The following ANKHD1 variants were observed in gnomAD, a reference collection of about 807,000 sequenced individuals.
The protein encoded by ANKHD1 is ankyrin repeat and KH domain-containing protein 1.
ANKHD1 carries 31 observed loss-of-function variants against 230.5 expected under a neutral mutation model. The ratio of observed to expected loss-of-function variants is 0.13; its 90% CI spans 0.10 to 0.18. ANKHD1 has a LOEUF of 0.18. Among genes scored for constraint, ANKHD1 ranks in the 10% least tolerant of loss-of-function variants. The probability of loss-of-function intolerance (pLI) is 1.00; values close to 1 mark genes in which losing one functional copy is unlikely to be tolerated. For synonymous variants in ANKHD1, 1,074 were observed against 1,117.6 expected (o/e 0.96, Z 0.78); for missense variants, 2,256 against 3,071.3 (o/e 0.73, Z 6.27).
chr5:140,513,013 C>T (rs938020475), intron 23 of ANKHD1, 90 bp downstream of exon 23: 1 of 1,300,226 alleles, frequency 7.7e-7, no homozygotes, highest in Non-Finnish European at 1.1e-6. Context: ...TTTTTATATT[C>T]TGAAAGGTTG....
At chr5:140,533,423 C>T (rs1753925275) in intron 29 of ANKHD1, among the ~76,000 whole-genome samples, 1 of 151,990 alleles carries the variant, frequency 6.6e-6, no homozygotes. Context: ...ACGGTGAAAC[C>T]CCATCTCTAC....
intron 32 of ANKHD1, 25 bp from the exon 33 acceptor site, chr5:140,538,894 T>G (rs1754191464): frequency 2.0e-6 from 3 of 1,475,354 alleles, no homozygotes; most frequent in East Asian, 4.8e-5. Flanking sequence ...ATTTTAAGAT[T>G]AAATCTTTTT....
intron 20 of ANKHD1, among the ~76,000 whole-genome samples, chr5:140,508,287 TTA>T (rs1306248089): frequency 6.6e-5 from 10 of 152,214 alleles, no homozygotes; most frequent in African/African-American, 2.4e-4. Flanking sequence ...TTATTTTGTA[TTA>T]ACTCTTACAC....
In ANKHD1 at chr5:140,528,278, C is replaced by A; in HGVS notation, c.5332C>A (p.His1778Asn). ...KELEDLIPKNHIRTPASTKSI... is the reference protein window; with the variant it reads ...KELEDLIPKNNIRTPASTKSI... Reference sequence around the variant, plus strand: ...ACTGGAAGACTTGATTCCTAAAAATCATATCAGAACACCTGCCAGCACCAA... The same window carrying A: ...ACTGGAAGACTTGATTCCTAAAAATAATATCAGAACACCTGCCAGCACCAA... The change falls in exon 29 of 34, where the codon CAT becomes AAT. Residue 1778 changes from histidine (H) to asparagine (N), a missense_variant. His to Asn is a moderately conservative substitution (Grantham distance 68). This residue lies in a region of ANKHD1 where 778 missense variants were observed against 966.5 expected (regional missense o/e 0.80). Coordinates refer to ENST00000360839, the MANE Select transcript of ANKHD1 (RefSeq NM_017747.3). 6.2e-7 allele frequency: 1 copy of A among 1,613,728 alleles called. No individual in the cohort carries two copies. The highest frequency in any genetic ancestry group is 8.5e-7 in the Non-Finnish European group (1 of 1,179,956).
intron 14 of ANKHD1, among the ~76,000 whole-genome samples, chr5:140,489,222 A>G (rs1751655517): frequency 6.6e-6 from 1 of 151,896 alleles, no homozygotes; most frequent in Non-Finnish European, 1.5e-5. Flanking sequence ...AAGAAAAAAA[A>G]TTAGGCTATG....
intron 14 of ANKHD1, among the ~76,000 whole-genome samples, chr5:140,495,193 A>C (rs1751971725): frequency 6.7e-6 from 1 of 148,842 alleles, no homozygotes; most frequent in South Asian, 2.1e-4. Flanking sequence ...TTTGAGGTTT[A>C]CTCATGTTGT....
chr5:140,435,440 C>T (rs1040023163), intron 1 of ANKHD1, among the ~76,000 whole-genome samples: 8 of 150,890 alleles, frequency 5.3e-5, no homozygotes, highest in African/African-American at 7.3e-5. Flanking sequence ...TACAATGGCA[C>T]GATCTCGGCT....
intron 7 of ANKHD1, among the ~76,000 whole-genome samples, chr5:140,455,058 A>G (rs1206347107): frequency 6.6e-6 from 1 of 152,196 alleles, no homozygotes; most frequent in Admixed American, 6.5e-5. Context: ...CAGAAATACA[A>G]ACTACCATCA....
At position 140,513,547 on chromosome 5, in the gene ANKHD1, G is replaced by A. The variant is rs537933845; in HGVS notation, c.4317+68G>A. 44 of 1,511,880 alleles carry A rather than the reference G, an allele frequency of 2.9e-5. No homozygotes were observed. In the African/African-American group the frequency reaches 5.0e-4, roughly 17 times the overall value. The allele number at this position is 1,511,880 out of a possible 1,614,324, so 93.7% of individuals were successfully genotyped here. ...GTGGGGGCCGGGCACGGTGGCTCACGCCTATGATCCCAGCACTTCAGAAGG... is the reference window on the plus strand; with the variant it reads ...GTGGGGGCCGGGCACGGTGGCTCACACCTATGATCCCAGCACTTCAGAAGG... On this transcript the variant is annotated intron_variant, in intron 24 of 33. Transcript: ENST00000360839.
chr5:140,515,884 AGCG>A (rs1752979696), intron 24 of ANKHD1, among the ~76,000 whole-genome samples: 1 of 152,250 alleles, frequency 6.6e-6, no homozygotes, highest in South Asian at 2.1e-4. Flanking sequence ...TAAAAAGCAG[AGCG>A]CCTCTCCTCC....
chr5:140,451,749 C>T (rs1302569913), intron 7 of ANKHD1, among the ~76,000 whole-genome samples: 2 of 152,158 alleles, frequency 1.3e-5, no homozygotes, highest in Non-Finnish European at 2.9e-5. Flanking sequence ...CTCAAGCTAT[C>T]TGTCTGCCTC....
At chr5:140,458,293 C>CTA (rs751329901) in intron 7 of ANKHD1, among the ~76,000 whole-genome samples, 3 of 152,080 alleles carry the variant, frequency 2.0e-5, no homozygotes, top group Non-Finnish European at 4.4e-5. Context: ...GTAGCATTGA[C>CTA]TATAGATTTC....
chr5:140,424,169 C>T (rs189688608), intron 1 of ANKHD1, among the ~76,000 whole-genome samples: 43 of 152,070 alleles, frequency 2.8e-4, no homozygotes, highest in Admixed American at 2.6e-3. Flanking sequence ...GGTATATATA[C>T]TTCCACTGCT....
At chr5:140,469,276 G>A (rs1018307333) in intron 10 of ANKHD1, among the ~76,000 whole-genome samples, 1 of 150,940 alleles carries the variant, frequency 6.6e-6, no homozygotes, top group Non-Finnish European at 1.5e-5. Context: ...GCCAAGGAGG[G>A]CAGATTGCTT....
At chr5:140,408,143 C>T (rs1770626920) in intron 1 of ANKHD1, among the ~76,000 whole-genome samples, 1 of 152,128 alleles carries the variant, frequency 6.6e-6, no homozygotes, top group Non-Finnish European at 1.5e-5. Flanking sequence ...TACCAGTGCA[C>T]TCCAGTCTGG....
rs771104067 is a variant in ANKHD1 at position 140,496,571 on chromosome 5, T to C, written c.2297T>C (p.Leu766Pro). 1.2e-5 allele frequency: 20 copies of C among 1,607,658 alleles called. No individual in the cohort carries two copies. In the Middle Eastern group the frequency reaches 8.2e-4, roughly 66 times the overall value. Residue 766 changes from leucine (L) to proline (P), a missense_variant, in exon 15 of 34, where the codon CTG becomes CCG. This residue lies in a region of ANKHD1 where 358 missense variants were observed against 397.7 expected (regional missense o/e 0.90). Coordinates refer to ENST00000360839, the MANE Select transcript of ANKHD1 (RefSeq NM_017747.3). The part of the protein sequence containing the change: ...SSLQVADQDL[L>P]PSFHPYQPLE... ...CTCCAGGTAGCAGATCAGGACCTAC[T>C]GCCATCTTTTCACCCATACCAGCCT... is the stretch of plus-strand genomic sequence containing the variant.
chr5:140,427,126 G>A (rs1463010064), intron 1 of ANKHD1, among the ~76,000 whole-genome samples: 7 of 151,422 alleles, frequency 4.6e-5, no homozygotes, highest in Admixed American at 2.6e-4. Flanking sequence ...CCCGGACGGG[G>A]CGGCTGGCCG....
chr5:140,518,139 G>T (rs1054171541), intron 24 of ANKHD1, among the ~76,000 whole-genome samples: 6 of 150,314 alleles, frequency 4.0e-5, no homozygotes, highest in Non-Finnish European at 8.9e-5. Context: ...ACAAACTACC[G>T]TCAGAGAATA....
In ANKHD1 at chr5:140,497,157, A is replaced by G. The variant is rs778291667; in HGVS notation, c.2883A>G (p.Val961=). The G allele has an allele frequency of 6.2e-7, 1 of 1,614,148 alleles. No individual in the cohort carries two copies. The highest frequency in any genetic ancestry group is 8.5e-7 in the Non-Finnish European group (1 of 1,180,016). ...LQKVSGNQQI[V]GQPQIAITGH... ...AAGTATCAGGTAATCAGCAGATTGT[A>G]GGACAGCCTCAGATTGCTATTACTG... Residue 961 remains valine (V), a synonymous_variant, in exon 15 of 34, where the codon GTA becomes GTG. Transcript: ENST00000360839.
Sources: allele counts gnomAD v4.1 joint callset (sites outside exome capture counted in the v4.1 genomes callset), GRCh38; gene constraint gnomAD v4.1.1; regional missense constraint gnomAD v4.1.1; transcripts MANE v1.5; gene names NCBI Gene and HGNC (gene_info 2026-07-23, HGNC 2026-07-21).